The following HPSE2 variants were observed in gnomAD, a reference collection of about 807,000 sequenced individuals.
HPSE2 encodes the protein heparanase 2 (inactive), also known as inactive heparanase-2.
Under a neutral mutation model 60.5 loss-of-function variants are expected in HPSE2, and 38 were observed. The observed-to-expected ratio is 0.63, with a 90% confidence interval of 0.48 to 0.82. The LOEUF is 0.82. Ranked by LOEUF, HPSE2 falls within the 40% of genes least tolerant of loss-of-function variation. HPSE2 has a pLI of 0.00. For synonymous variants in HPSE2, 295 were observed against 293.2 expected, an observed-to-expected ratio of 1.01 and a Z score of -0.06; for missense variants, 713 against 740.4, an observed-to-expected ratio of 0.96 and a Z score of 0.43.
intron 3 of HPSE2, among the ~76,000 whole-genome samples, chr10:99,053,194 T>A (rs528599673): frequency 6.6e-6 from 1 of 152,058 alleles, no homozygotes; most frequent in Non-Finnish European, 1.5e-5. Context: ...TTATAATATA[T>A]GTAAATGTAA....
intron 3 of HPSE2, among the ~76,000 whole-genome samples, chr10:98,874,406 C>T (rs765131510): frequency 4.6e-5 from 7 of 151,878 alleles, no homozygotes; most frequent in African/African-American, 7.3e-5. Context: ...CATGATTTGG[C>T]TCTCTGCTTG....
At chr10:99,207,080 C>A (rs1419976837) in intron 2 of HPSE2, among the ~76,000 whole-genome samples, 4 of 151,954 alleles carry the variant, frequency 2.6e-5, no homozygotes, top group African/African-American at 9.7e-5. Context: ...CAATTGCAAT[C>A]CAAATAAGAC....
chr10:98,838,811 C>T (rs1436545503), intron 3 of HPSE2, among the ~76,000 whole-genome samples: 1 of 152,012 alleles, frequency 6.6e-6, no homozygotes, highest in Non-Finnish European at 1.5e-5. Flanking sequence ...GGAAGTTGTC[C>T]ATTTCCCCAT....
At chr10:99,128,836 AAAAT>A (rs1305050840) in intron 3 of HPSE2, among the ~76,000 whole-genome samples, 1 of 152,180 alleles carries the variant, frequency 6.6e-6, no homozygotes, top group Admixed American at 6.5e-5. Context: ...CCCAGAACTT[AAAAT>A]AAAATTTAAT....
At chr10:98,782,926 ATT>A (rs773521357) in intron 3 of HPSE2, among the ~76,000 whole-genome samples, 9,012 of 124,492 alleles carry the variant, frequency 0.072, 1,223 homozygotes, top group African/African-American at 0.25. Flanking sequence ...TTTTTTTTTT[ATT>A]TTTTTTTTTA....
chr10:98,832,251 T>C (rs1951699940), intron 3 of HPSE2, among the ~76,000 whole-genome samples: 1 of 152,216 alleles, frequency 6.6e-6, no homozygotes, highest in Admixed American at 6.5e-5. Flanking sequence ...ATAAAAGTCC[T>C]AAGACCTAAA....
At chr10:98,582,341 TTTAAA>T (rs1422903478) in intron 9 of HPSE2, among the ~76,000 whole-genome samples, 1 of 152,232 alleles carries the variant, frequency 6.6e-6, no homozygotes, top group East Asian at 1.9e-4. Flanking sequence ...TATTTGCTCT[TTTAAA>T]TTGTCAACTG....
chr10:98,508,064 T>A (rs1942259841), intron 9 of HPSE2, among the ~76,000 whole-genome samples: 1 of 152,030 alleles, frequency 6.6e-6, no homozygotes, highest in South Asian at 2.1e-4. Flanking sequence ...GTTTTTTAAA[T>A]GTCTATAATA....
intron 9 of HPSE2, among the ~76,000 whole-genome samples, chr10:98,593,044 T>A (rs1018158095): frequency 1.3e-5 from 2 of 152,244 alleles, no homozygotes; most frequent in African/African-American, 4.8e-5. Context: ...TTCAATTTAA[T>A]CCCAGCCAAT....
At chr10:99,265,367 C>T in the HPSE2 span, among the ~76,000 whole-genome samples, 3 of 152,150 alleles carry the variant, frequency 2.0e-5, no homozygotes, top group Non-Finnish European at 4.4e-5. Context: ...GGTCTCTTCA[C>T]GTGGACATGC....
chr10:98,625,863 G>A (rs999457880), intron 7 of HPSE2, among the ~76,000 whole-genome samples: 3 of 152,170 alleles, frequency 2.0e-5, no homozygotes, highest in Non-Finnish European at 4.4e-5. Context: ...AGCACTTTGG[G>A]AGGCCGAGGT....
chr10:98,941,686 A>G (rs1362232055), intron 3 of HPSE2, among the ~76,000 whole-genome samples: 4 of 135,664 alleles, frequency 2.9e-5, no homozygotes, highest in Non-Finnish European at 6.2e-5. Context: ...TGCCATCCCC[A>G]TCAAGCTACC....
chr10:98,522,147 AG>A (rs1251821733), intron 9 of HPSE2, among the ~76,000 whole-genome samples: 1 of 152,020 alleles, frequency 6.6e-6, no homozygotes, highest in Non-Finnish European at 1.5e-5. Context: ...AAAAAAAAAA[AG>A]AATCAACTAC....
At chr10:98,626,776 C>CTT (rs111955489) in intron 7 of HPSE2, among the ~76,000 whole-genome samples, 7 of 148,070 alleles carry the variant, frequency 4.7e-5, no homozygotes, top group African/African-American at 1.7e-4. Context: ...TATTATTTTT[C>CTT]TTTTTTTTTT....
At chr10:99,115,433 T>C (rs10883271) in intron 3 of HPSE2, among the ~76,000 whole-genome samples, 74,351 of 151,582 alleles carry the variant, frequency 0.49, 20,637 homozygotes, top group East Asian at 0.65. Flanking sequence ...GGATTACAGG[T>C]GTGAGCCACC....
chr10:98,888,487 T>C (rs1311096033), intron 3 of HPSE2, among the ~76,000 whole-genome samples: 2 of 152,200 alleles, frequency 1.3e-5, no homozygotes, highest in Non-Finnish European at 2.9e-5. Flanking sequence ...CAAACCATAA[T>C]GGAATCAGAT....
chr10:98,922,606 T>TG (rs1954314724), intron 3 of HPSE2, among the ~76,000 whole-genome samples: 1 of 152,174 alleles, frequency 6.6e-6, no homozygotes, highest in Non-Finnish European at 1.5e-5. Flanking sequence ...CTGGCAAGGC[T>TG]GATGGTGAAG....
At chr10:98,899,941 G>A (rs369769638) in intron 3 of HPSE2, among the ~76,000 whole-genome samples, 10 of 151,934 alleles carry the variant, frequency 6.6e-5, no homozygotes, top group East Asian at 5.8e-4. Flanking sequence ...GCATCACCAC[G>A]CCCAGCTAAT....
intron 3 of HPSE2, among the ~76,000 whole-genome samples, chr10:99,088,600 T>C (rs1159121277): frequency 6.6e-6 from 1 of 152,186 alleles, no homozygotes; most frequent in East Asian, 1.9e-4. Flanking sequence ...TAACCACTCA[T>C]AGATTGATGG....
Sources: gnomAD v4.1 joint callset for allele counts (sites outside exome capture counted in the v4.1 genomes callset) on GRCh38, gnomAD v4.1.1 for gene constraint, MANE v1.5 for transcripts, NCBI Gene and HGNC (gene_info 2026-07-23, HGNC 2026-07-21) for gene names.